ASIC4: variants seen among roughly 807,000 people sequenced by gnomAD.
ASIC4 encodes acid sensing ion channel subunit family member 4.
ASIC4 carries 28 observed loss-of-function variants against 53.4 expected under a neutral mutation model. That is an observed-to-expected ratio of 0.52 (90% CI 0.39 to 0.72). The LOEUF is 0.72. ASIC4 is among the 30% of genes least tolerant of loss of function. The pLI, the probability that ASIC4 is intolerant of heterozygous loss-of-function variation, is 0.00. For missense variants in ASIC4, 649 were observed against 729.7 expected (o/e 0.89, Z 1.27); for synonymous variants, 289 against 301.4 (o/e 0.96, Z 0.43).
Position 219,536,611 on chromosome 2 carries a change from T to C in ASIC4, c.1230-455T>C, listed in dbSNP as rs1307954962. On this transcript the variant is annotated intron_variant, in intron 6 of 9. Transcript: ENST00000358078. This position sits in a 1 kb window ranked among gnomAD's most constrained non-coding sequence, Gnocchi z 4.6. ...GACAGGACGTGGGGCGGTGGGGTGG[T>C]GTGGCGGGGAGCCTGAGCCATAGGC... Among the ~76,000 whole-genome samples the C allele has an allele frequency of 1.2e-4, 18 of 148,630 alleles. No individual in the cohort carries two copies. The highest frequency in any genetic ancestry group is 1.6e-4 in the Non-Finnish European group (11 of 67,110).
upstream of ASIC4, chr2:219,514,269 CCTGACGCCCG>C: frequency 6.8e-7 from 1 of 1,462,276 alleles, no homozygotes; most frequent in Non-Finnish European, 9.0e-7. Context: ...TGGCCTGGCT[CCTGACGCCCG>C]TGCTGCCGGT....
chr2:219,513,800 G>C (rs528682885), upstream of ASIC4, among the ~76,000 whole-genome samples: 15 of 152,362 alleles, frequency 9.8e-5, no homozygotes, highest in African/African-American at 3.4e-4. Flanking sequence ...ATGAGGGTGA[G>C]GGCAGCCAGC....
chr2:219,508,483 G>C, the ASIC4 span, among the ~76,000 whole-genome samples: 1 of 152,022 alleles, frequency 6.6e-6, no homozygotes, highest in Non-Finnish European at 1.5e-5. Context: ...TAGCAAAGCT[G>C]AGGTCTTTGT....
Position 219,514,494 on chromosome 2 carries a change from A to AAGCGGCAGCAGAGGCAGC in ASIC4, c.-222_-205dup. ...CAAGGAGACGATCGAGGAGAGAGACAAGCGGCAGCAGAGGCAGCAGCGGCA... is the reference window on the plus strand; with the variant it reads ...CAAGGAGACGATCGAGGAGAGAGACAAGCGGCAGCAGAGGCAGCAGCGGCAGCAGAGGCAGCAGCGGCA... On this transcript the variant is annotated 5_prime_UTR_variant, in exon 1 of 10. Coordinates refer to ENST00000358078, the MANE Select transcript of ASIC4 (RefSeq NM_018674.6). 1 of 1,550,764 alleles carries AAGCGGCAGCAGAGGCAGC rather than the reference A, an allele frequency of 6.4e-7. No individual in the cohort carries two copies. Among genetic ancestry groups the AAGCGGCAGCAGAGGCAGC allele is most frequent in the East Asian group, 2.4e-5 (1 of 40,888 alleles).
At chr2:219,526,428 G>A (rs1391173876) in intron 1 of ASIC4, among the ~76,000 whole-genome samples, 1 of 152,178 alleles carries the variant, frequency 6.6e-6, no homozygotes, top group Non-Finnish European at 1.5e-5. Flanking sequence ...GATGGATAGA[G>A]AAGAAAGCAA....
chr2:219,531,068 G>A (rs1479795595), intron 1 of ASIC4, among the ~76,000 whole-genome samples: 1 of 152,156 alleles, frequency 6.6e-6, no homozygotes, highest in Non-Finnish European at 1.5e-5. Context: ...TGGGCTGGAG[G>A]CTGGATGTGG....
At chr2:219,522,395 T>C (rs184373925) in intron 1 of ASIC4, among the ~76,000 whole-genome samples, 960 of 8,882 alleles carry the variant, frequency 0.11, 8 homozygotes, top group African/African-American at 0.26. Context: ...GAGGGTGGGG[T>C]GGGGGCTGGG....
upstream of ASIC4, among the ~76,000 whole-genome samples, chr2:219,511,979 A>T (rs1056410804): frequency 1.3e-5 from 2 of 151,956 alleles, no homozygotes; most frequent in Non-Finnish European, 2.9e-5. The surrounding 1 kb of genome is among the most constrained non-coding windows in gnomAD (Gnocchi z 5.3). Context: ...CCTGGTGAGA[A>T]GCGGAGGGAA....
At chr2:219,530,173 G>A (rs1232168496) in intron 1 of ASIC4, among the ~76,000 whole-genome samples, 2 of 152,224 alleles carry the variant, frequency 1.3e-5, no homozygotes, top group Admixed American at 6.5e-5. Context: ...CTCAGGGAAG[G>A]TGCTGCCTGT....
chr2:219,519,684 A>T (rs562416747), intron 1 of ASIC4, among the ~76,000 whole-genome samples: 4 of 152,360 alleles, frequency 2.6e-5, no homozygotes, highest in African/African-American at 9.6e-5. Context: ...TTTACATTCA[A>T]ATAGCCATAC....
intron 1 of ASIC4, among the ~76,000 whole-genome samples, chr2:219,527,431 G>T (rs1031741859): frequency 1.3e-5 from 2 of 152,238 alleles, no homozygotes; most frequent in Admixed American, 1.3e-4. Flanking sequence ...CGCCAGCTGG[G>T]CATTCGTTCT....
At position 219,515,288 on chromosome 2, in the gene ASIC4, C is replaced by T. The variant is rs147972580; in HGVS notation, c.564C>T (p.Ser188=). 150 of 1,610,768 alleles carry T rather than the reference C, an allele frequency of 9.3e-5. No individual in the cohort carries two copies. Among genetic ancestry groups the T allele is most frequent in the African/African-American group, 2.8e-4 (21 of 75,018 alleles). Reference sequence around the variant, plus strand: ...GCAACTTCAGTGGGCATCACTGCTCCGCCAGCAACTTCTCTGTGGTGAGTT... The same window carrying T: ...GCAACTTCAGTGGGCATCACTGCTCTGCCAGCAACTTCTCTGTGGTGAGTT... ...KSCNFSGHHC[S]ASNFSVVYTR... The change falls in exon 1 of 10, where the codon TCC becomes TCT. Residue 188 remains serine, a synonymous_variant. Coordinates refer to ENST00000358078, the MANE Select transcript of ASIC4 (RefSeq NM_018674.6).
At chr2:219,525,687 C>T (rs1318894897) in intron 1 of ASIC4, among the ~76,000 whole-genome samples, 1 of 152,228 alleles carries the variant, frequency 6.6e-6, no homozygotes, top group Non-Finnish European at 1.5e-5. Flanking sequence ...GGCTTTGAAC[C>T]TGGATACTGG....
intron 1 of ASIC4, among the ~76,000 whole-genome samples, chr2:219,523,163 C>T (rs140741898): frequency 9.8e-5 from 15 of 152,324 alleles, no homozygotes; most frequent in Non-Finnish European, 1.8e-4. Context: ...AAACTCTTGA[C>T]GAGGAACTTT....
rs1356985182 is a variant in ASIC4 at position 219,517,757 on chromosome 2, TG to T, written c.582+2455del. Among the ~76,000 whole-genome samples the T allele has an allele frequency of 1.3e-5, 2 of 151,960 alleles. No individual in the cohort carries two copies. Among genetic ancestry groups the T allele is most frequent in the Non-Finnish European group, 2.9e-5 (2 of 67,988 alleles). On this transcript the variant is annotated intron_variant, in intron 1 of 9. Transcript: ENST00000358078. This position sits in a 1 kb window ranked among gnomAD's most constrained non-coding sequence, Gnocchi z 4.2. Reference sequence around the variant, plus strand: ...GGACCTGGAGTCAATGATGGGGATTTGGGGTCTATGGTGGGGAGATGGGTAT... The same window carrying T: ...GGACCTGGAGTCAATGATGGGGATTTGGGTCTATGGTGGGGAGATGGGTAT...
In ASIC4 at chr2:219,518,972, C is replaced by T. The variant is rs563676129; in HGVS notation, c.582+3666C>T. On this transcript the variant is annotated intron_variant, in intron 1 of 9. Transcript: ENST00000358078. The surrounding 1 kb of genome is among the most constrained non-coding windows in gnomAD (Gnocchi z 4.8). The stretch of plus-strand genomic sequence containing the variant: ...AGGCTGGAGTGCAGCGGCGCGATCT[C>T]GGCTCACTACAGGCTCCGCCCCCCG... Among the ~76,000 whole-genome samples, 19 of 152,240 alleles carry T rather than the reference C, an allele frequency of 1.2e-4. No individual in the cohort carries two copies. The highest frequency in any genetic ancestry group is 7.4e-5 in the Non-Finnish European group (5 of 68,002).
rs1694836487 is a variant in ASIC4 at position 219,518,668 on chromosome 2, C to A, written c.582+3362C>A. On this transcript the variant is annotated intron_variant, in intron 1 of 9. Coordinates refer to ENST00000358078, the MANE Select transcript of ASIC4 (RefSeq NM_018674.6). This position sits in a 1 kb window ranked among gnomAD's most constrained non-coding sequence, Gnocchi z 4.8. ...GCTACCCACACCCCCTTCCTCCAAG[C>A]CCCAGTTCTACCTTCCCCACTGCGG... is the stretch of plus-strand genomic sequence containing the variant. Among the ~76,000 whole-genome samples, 1 of 152,084 alleles carries A rather than the reference C, an allele frequency of 6.6e-6. No individual in the cohort carries two copies.
At position 219,515,015 on chromosome 2, in the gene ASIC4, C is replaced by T. The variant is rs773243756; in HGVS notation, c.291C>T (p.His97=). Residue 97 remains histidine, a synonymous_variant, in exon 1 of 10, where the codon CAC becomes CAT. Coordinates refer to ENST00000358078, the MANE Select transcript of ASIC4 (RefSeq NM_018674.6). Reference sequence around the variant, plus strand: ...CCCGGGGCTACCTGACCCGGCCTCACCTGGTGGCAATGGACCCCGCTGCCC... The same window carrying T: ...CCCGGGGCTACCTGACCCGGCCTCATCTGGTGGCAATGGACCCCGCTGCCC... The part of the protein sequence containing the change: ...GLARGYLTRP[H]LVAMDPAAPA... 3.7e-6 allele frequency: 6 copies of T among 1,613,392 alleles called. No individual in the cohort carries two copies. Among genetic ancestry groups the T allele is most frequent in the East Asian group, 4.5e-5 (2 of 44,872 alleles).
chr2:219,508,617 A>G, the ASIC4 span, among the ~76,000 whole-genome samples: 2 of 151,654 alleles, frequency 1.3e-5, no homozygotes, highest in Admixed American at 6.6e-5. Flanking sequence ...GCTGGGAGGG[A>G]CCTAAAGTCC....
Sources: allele counts gnomAD v4.1 joint callset (sites outside exome capture counted in the v4.1 genomes callset), GRCh38; gene constraint gnomAD v4.1.1; non-coding constraint Gnocchi (gnomAD v3.1); transcripts MANE v1.5; gene names NCBI Gene and HGNC (gene_info 2026-07-23, HGNC 2026-07-21).